TOM1L2: variants seen among roughly 807,000 people sequenced by gnomAD.
TOM1L2 encodes target of myb1 like 2 membrane trafficking protein.
Under a neutral mutation model 67.9 loss-of-function variants are expected in TOM1L2, and 31 were observed. That is an observed-to-expected ratio of 0.46 (90% confidence interval 0.34 to 0.62). The LOEUF is 0.62. TOM1L2 is among the 20% of genes least tolerant of loss of function. The pLI, the probability that TOM1L2 is intolerant of heterozygous loss-of-function variation, is 0.01. For missense variants in TOM1L2, 606 were observed against 663.5 expected (o/e 0.91, Z 0.95); for synonymous variants, 256 against 254.0 (o/e 1.01, Z -0.07).
chr17:17,888,035 C>G (rs2038086627), intron 4 of TOM1L2, among the ~76,000 whole-genome samples: 1 of 152,196 alleles, frequency 6.6e-6, no homozygotes, highest in Admixed American at 6.5e-5. Context: ...GGAGGTCTGG[C>G]CACTCTTGGA....
intron 2 of TOM1L2, among the ~76,000 whole-genome samples, chr17:17,905,101 C>G (rs1052845206): frequency 2.0e-5 from 3 of 152,222 alleles, no homozygotes; most frequent in Non-Finnish European, 4.4e-5. Context: ...AGCCCAGTGA[C>G]GATGGGATTA....
At chr17:17,861,633 T>A (rs1472569658) in intron 11 of TOM1L2, 82 bp from the exon 12 acceptor site, 1 of 1,227,682 alleles carries the variant, frequency 8.1e-7, no homozygotes, top group East Asian at 2.3e-5. Context: ...TGTAATCACT[T>A]CTATCCTATG....
chr17:17,904,056 C>T (rs898251619), intron 2 of TOM1L2, among the ~76,000 whole-genome samples: 9 of 152,118 alleles, frequency 5.9e-5, no homozygotes, highest in African/African-American at 1.2e-4. Flanking sequence ...TGGTCTCAAA[C>T]ACCTAGGCTC....
chr17:17,963,855 C>T (rs1228683209), intron 1 of TOM1L2, among the ~76,000 whole-genome samples: 1 of 152,146 alleles, frequency 6.6e-6, no homozygotes, highest in Non-Finnish European at 1.5e-5. Context: ...ATCAAGAAGT[C>T]TATATTAGTT....
intron 8 of TOM1L2, among the ~76,000 whole-genome samples, chr17:17,867,617 T>C (rs1189480195): frequency 6.6e-6 from 1 of 152,178 alleles, no homozygotes; most frequent in Non-Finnish European, 1.5e-5. Flanking sequence ...GAATAGATTA[T>C]GTTCTGTATC....
At chr17:17,927,753 T>C (rs2040154779) in intron 1 of TOM1L2, among the ~76,000 whole-genome samples, 1 of 151,768 alleles carries the variant, frequency 6.6e-6, no homozygotes, top group Non-Finnish European at 1.5e-5. Flanking sequence ...AGCCTCAACC[T>C]TCCAGGCTCA....
At chr17:17,867,133 G>C (rs2036895314) in intron 8 of TOM1L2, among the ~76,000 whole-genome samples, 1 of 152,158 alleles carries the variant, frequency 6.6e-6, no homozygotes, top group Non-Finnish European at 1.5e-5. Context: ...CCAGCACCCA[G>C]AGTGGGCATC....
chr17:17,956,101 C>T lies in TOM1L2; in HGVS notation c.52+16161G>A, dbSNP rs929830900. Reference sequence around the variant, plus strand: ...AAGAGCAAAAGAACAAAGCCTCCCCCGCACGAAAAAGGACCCAAGTGGGTT... The same window carrying T: ...AAGAGCAAAAGAACAAAGCCTCCCCTGCACGAAAAAGGACCCAAGTGGGTT... On this transcript the variant is annotated intron_variant, in intron 1 of 14. Coordinates refer to ENST00000379504, the MANE Select transcript of TOM1L2 (RefSeq NM_001082968.2). Among the ~76,000 whole-genome samples, 29 of 152,170 alleles carry T rather than the reference C, an allele frequency of 1.9e-4. 1 individual carries two copies. The highest frequency in any genetic ancestry group is 1.5e-4 in the Non-Finnish European group (10 of 68,024).
chr17:17,929,471 A>C (rs1256902638), intron 1 of TOM1L2, among the ~76,000 whole-genome samples: 1 of 152,090 alleles, frequency 6.6e-6, no homozygotes, highest in Non-Finnish European at 1.5e-5. Context: ...ATCTCTACTA[A>C]AAATACAAAA....
chr17:17,876,940 C>T (rs1231256929), intron 7 of TOM1L2, among the ~76,000 whole-genome samples: 1 of 152,198 alleles, frequency 6.6e-6, no homozygotes, highest in Non-Finnish European at 1.5e-5. Flanking sequence ...GAACCAACTT[C>T]CTGGAAGGTC....
In TOM1L2 at chr17:17,862,822, T is replaced by A; in HGVS notation, c.1111A>T (p.Thr371Ser). The change falls in exon 11 of 15, where the codon ACC becomes TCC. Residue 371 changes from threonine (T) to serine (S), a missense_variant. Transcript: ENST00000379504. ...TTACATTGCTGGAGTGAACTGAGGGTGCCACTGACGCTCTCTGTCCCCAAG... is the reference window on the plus strand; with the variant it reads ...TTACATTGCTGGAGTGAACTGAGGGAGCCACTGACGCTCTCTGTCCCCAAG... ...LDLGTESVSG[T>S]LSSLQQCNPR... is the part of the protein sequence containing the mutation. 1 of 1,614,072 alleles carries A rather than the reference T, an allele frequency of 6.2e-7. No homozygotes were observed. The highest frequency in any genetic ancestry group is 8.5e-7 in the Non-Finnish European group (1 of 1,180,012).
chr17:17,938,785 A>G (rs902915382), intron 1 of TOM1L2, among the ~76,000 whole-genome samples: 1 of 142,136 alleles, frequency 7.0e-6, no homozygotes, highest in Non-Finnish European at 1.5e-5. Flanking sequence ...TTTTTTTAAT[A>G]TTTTGTAAAG....
chr17:17,879,229 A>C (rs946922930), intron 7 of TOM1L2, among the ~76,000 whole-genome samples: 2 of 152,220 alleles, frequency 1.3e-5, no homozygotes, highest in African/African-American at 4.8e-5. Context: ...CAAAATACAG[A>C]AATAGTACAA....
chr17:17,948,476 G>A (rs912246427), intron 1 of TOM1L2, among the ~76,000 whole-genome samples: 1 of 152,066 alleles, frequency 6.6e-6, no homozygotes, highest in Non-Finnish European at 1.5e-5. Flanking sequence ...GTGAAACCCC[G>A]TCTCTACTAA....
At chr17:17,936,997 T>G (rs969473910) in intron 1 of TOM1L2, among the ~76,000 whole-genome samples, 12 of 152,200 alleles carry the variant, frequency 7.9e-5, no homozygotes, top group Non-Finnish European at 1.5e-4. Context: ...ACTGGCCTCT[T>G]GTACCCTGCC....
chr17:17,850,546 C>CA (rs938211292), intron 13 of TOM1L2, among the ~76,000 whole-genome samples: 4 of 151,690 alleles, frequency 2.6e-5, no homozygotes, highest in African/African-American at 9.7e-5. Flanking sequence ...CTCCCTCCCC[C>CA]AAAAAACCAA....
At chr17:17,848,639 A>T (rs1291343648) in intron 14 of TOM1L2, among the ~76,000 whole-genome samples, 184 bp downstream of exon 14, 1 of 152,244 alleles carries the variant, frequency 6.6e-6, no homozygotes, top group Non-Finnish European at 1.5e-5. Flanking sequence ...AAGCGAGATA[A>T]ATCACACTTC....
chr17:17,888,511 C>T (rs918488089), intron 4 of TOM1L2, among the ~76,000 whole-genome samples: 1 of 152,196 alleles, frequency 6.6e-6, no homozygotes, highest in Admixed American at 6.5e-5. Context: ...GCTTATGCCC[C>T]AGACCAGACT....
chr17:17,851,238 CTA>C (rs1488440408), intron 12 of TOM1L2: 1 of 455,094 alleles, frequency 2.2e-6, no homozygotes, highest in East Asian at 4.2e-5. Context: ...AACTTTTTGA[CTA>C]TGAGTGTCCA....
Sources: allele counts gnomAD v4.1 joint callset (sites outside exome capture counted in the v4.1 genomes callset), GRCh38; gene constraint gnomAD v4.1.1; transcripts MANE v1.5; gene names NCBI Gene and HGNC (gene_info 2026-07-23, HGNC 2026-07-21).